Variants in PSMD14 observed in about 807,000 individuals in gnomAD.
PSMD14 encodes the protein ubiquitin C-terminal hydrolase PSMD14.
PSMD14 carries 7 observed loss-of-function variants against 41.2 expected under a neutral mutation model. That is an observed-to-expected ratio of 0.17 (90% CI 0.10 to 0.32). The LOEUF (loss-of-function observed/expected upper bound fraction) is 0.32, where lower values mean the gene tolerates loss of function less well. PSMD14 is among the 10% of genes least tolerant of loss of function. The probability of loss-of-function intolerance (pLI) is 1.00; values close to 1 mark genes in which losing one functional copy is unlikely to be tolerated. For missense variants in PSMD14, 139 were observed against 375.6 expected (o/e 0.37, Z 5.21); for synonymous variants, 114 against 122.3 (o/e 0.93, Z 0.45).
intron 3 of PSMD14, among the ~76,000 whole-genome samples, chr2:161,330,833 A>G (rs547049395): frequency 2.6e-5 from 4 of 152,184 alleles, no homozygotes; most frequent in Non-Finnish European, 5.9e-5. Flanking sequence ...AATAATAAAA[A>G]TTATGATAGT....
In PSMD14 at chr2:161,371,289, G is replaced by C; in HGVS notation, c.429G>C (p.Val143=). The C allele has an allele frequency of 6.2e-7, 1 of 1,611,338 alleles. No individual in the cohort carries two copies. Among genetic ancestry groups the C allele is most frequent in the Non-Finnish European group, 8.5e-7 (1 of 1,178,560 alleles). Residue 143 remains valine, a synonymous_variant, in exon 7 of 12, where the codon GTG becomes GTC. Coordinates refer to ENST00000409682, the MANE Select transcript of PSMD14 (RefSeq NM_005805.6). ...CCTTGTCGGAGAGAGCTGTGGCAGT[G>C]GTTGTGGATCCCATTCAGAGTGTAA... The part of the protein sequence containing the change: ...FEALSERAVA[V]VVDPIQSVKG...
chr2:161,379,816 T>A (rs530615193), intron 7 of PSMD14, among the ~76,000 whole-genome samples: 1 of 152,132 alleles, frequency 6.6e-6, no homozygotes, highest in East Asian at 1.9e-4. Context: ...CTCAGAAAAT[T>A]TCAGCCAGGC....
intron 3 of PSMD14, among the ~76,000 whole-genome samples, chr2:161,323,234 C>T (rs1305606000): frequency 1.3e-5 from 2 of 152,210 alleles, no homozygotes; most frequent in African/African-American, 4.8e-5. Context: ...TTTAACTAAA[C>T]TTCAATATTC....
intron 3 of PSMD14, among the ~76,000 whole-genome samples, chr2:161,340,652 A>G (rs1229603776): frequency 1.3e-5 from 2 of 152,064 alleles, no homozygotes; most frequent in Non-Finnish European, 2.9e-5. Flanking sequence ...CTGCTAGCCA[A>G]GGGACAAGTC....
intron 7 of PSMD14, among the ~76,000 whole-genome samples, chr2:161,372,313 C>G (rs1412973860): frequency 2.0e-5 from 3 of 152,006 alleles, no homozygotes; most frequent in Non-Finnish European, 2.9e-5. Flanking sequence ...TAAATATTAG[C>G]TTGTTATCTA....
chr2:161,339,480 G>T (rs1682916700), intron 3 of PSMD14, among the ~76,000 whole-genome samples: 1 of 144,828 alleles, frequency 6.9e-6, no homozygotes, highest in African/African-American at 2.6e-5. Flanking sequence ...TACTGGGTGG[G>T]TTATTTTGTT....
chr2:161,399,739 A>G (rs1215004871), intron 10 of PSMD14, among the ~76,000 whole-genome samples: 2 of 152,222 alleles, frequency 1.3e-5, no homozygotes, highest in East Asian at 1.9e-4. Flanking sequence ...TAAATAAAAA[A>G]GAATTTTTTT....
At chr2:161,371,374 A>G in intron 7 of PSMD14, 52 bp downstream of exon 7, 1 of 1,507,608 alleles carries the variant, frequency 6.6e-7, no homozygotes, top group South Asian at 1.2e-5. Flanking sequence ...CTGTTTACAG[A>G]TACATTAAAT....
At chr2:161,348,192 G>C (rs1011783620) in intron 3 of PSMD14, among the ~76,000 whole-genome samples, 16 of 152,102 alleles carry the variant, frequency 1.1e-4, no homozygotes, top group African/African-American at 3.9e-4. Flanking sequence ...CCTAGAGAAC[G>C]TCTCCCACAT....
At chr2:161,381,385 CAT>C (rs1374221953) in intron 7 of PSMD14, 2 of 151,326 alleles carry the variant, frequency 1.3e-5, no homozygotes, top group African/African-American at 2.4e-5. Flanking sequence ...TGTAGATACC[CAT>C]AGTCACTGAC....
intron 10 of PSMD14, among the ~76,000 whole-genome samples, chr2:161,403,412 G>A (rs182704477): frequency 7.9e-4 from 120 of 152,302 alleles, no homozygotes; most frequent in Non-Finnish European, 1.3e-3. Flanking sequence ...GGAGGTAACA[G>A]CTTAATGTGT....
intron 3 of PSMD14, among the ~76,000 whole-genome samples, chr2:161,326,390 C>T (rs115846335): frequency 0.02 from 2,994 of 152,218 alleles, 58 homozygotes; most frequent in Non-Finnish European, 0.03. Flanking sequence ...AATTAAACAA[C>T]AACAACAACA....
chr2:161,389,506 G>T (rs1683678157), intron 8 of PSMD14, among the ~76,000 whole-genome samples: 1 of 152,114 alleles, frequency 6.6e-6, no homozygotes, highest in Middle Eastern at 3.2e-3. Flanking sequence ...GATGATTATT[G>T]AAATGAGTAA....
intron 2 of PSMD14, among the ~76,000 whole-genome samples, chr2:161,317,544 A>G (rs996087750): frequency 4.6e-5 from 7 of 152,142 alleles, no homozygotes; most frequent in African/African-American, 1.4e-4. Flanking sequence ...TGATGGTTAC[A>G]TGGATGTGTT....
At chr2:161,314,205 G>A (rs1297460531) in intron 1 of PSMD14, among the ~76,000 whole-genome samples, 2 of 152,028 alleles carry the variant, frequency 1.3e-5, no homozygotes, top group African/African-American at 4.8e-5. Flanking sequence ...TTTTCCATGT[G>A]TGAACTGCAT....
intron 10 of PSMD14, among the ~76,000 whole-genome samples, chr2:161,404,528 C>A (rs768494907): frequency 1.3e-5 from 2 of 152,124 alleles, no homozygotes; most frequent in African/African-American, 4.8e-5. Flanking sequence ...TGCCCCTCTC[C>A]CTTCCTTGAG....
intron 3 of PSMD14, among the ~76,000 whole-genome samples, chr2:161,344,259 GGCTTA>G (rs1390592051): frequency 6.6e-6 from 1 of 152,120 alleles, no homozygotes; most frequent in Non-Finnish European, 1.5e-5. Flanking sequence ...TAGATTGAGT[GGCTTA>G]AATAACAGAT....
intron 3 of PSMD14, among the ~76,000 whole-genome samples, chr2:161,351,543 A>G (rs1683117538): frequency 6.6e-6 from 1 of 152,182 alleles, no homozygotes; most frequent in African/African-American, 2.4e-5. Context: ...CCCATTGTGT[A>G]TTAATGAATT....
At chr2:161,361,135 AT>A (rs1442807017) in intron 3 of PSMD14, among the ~76,000 whole-genome samples, 7 of 152,158 alleles carry the variant, frequency 4.6e-5, no homozygotes. Flanking sequence ...TTACACTTTA[AT>A]TTTTTAAAAA....
Sources: gnomAD v4.1 joint callset for allele counts (sites outside exome capture counted in the v4.1 genomes callset) on GRCh38, gnomAD v4.1.1 for gene constraint, MANE v1.5 for transcripts, NCBI Gene and HGNC (gene_info 2026-07-23, HGNC 2026-07-21) for gene names.